KLF12: variants seen among roughly 807,000 people sequenced by gnomAD.
KLF12 encodes the protein Krueppel-like factor 12.
KLF12 carries 9 observed loss-of-function variants against 37.8 expected under a neutral mutation model. The ratio of observed to expected loss-of-function variants is 0.24; its 90% CI spans 0.14 to 0.42. KLF12 has a LOEUF of 0.42. Among genes scored for constraint, KLF12 ranks in the 10% least tolerant of loss-of-function variants. The pLI is 1.00. For synonymous variants in KLF12, 208 were observed against 202.1 expected (o/e 1.03, Z -0.25); for missense variants, 411 against 516.0 (o/e 0.80, Z 1.97).
chr13:74,015,600 T>C (rs1892668564), intron 1 of KLF12, among the ~76,000 whole-genome samples: 2 of 152,160 alleles, frequency 1.3e-5, no homozygotes, highest in Non-Finnish European at 2.9e-5. Context: ...CAACACCCCC[T>C]AGATATACTT....
chr13:73,845,939 G>T lies in KLF12; in HGVS notation c.558C>A (p.Ile186=), dbSNP rs138442924. The T allele has an allele frequency of 6.2e-7, 1 of 1,614,072 alleles. No homozygotes were observed. The highest frequency in any genetic ancestry group is 8.5e-7 in the Non-Finnish European group (1 of 1,179,916). ...CAGGCACCGACTGTACCACCACGGG[G>T]ATGCGGTGAACATGACTCAGTTTGT... The change falls in exon 4 of 8, where the codon ATC becomes ATA. Residue 186 remains isoleucine (I), a synonymous_variant. Coordinates refer to ENST00000377669, the MANE Select transcript of KLF12 (RefSeq NM_007249.5).
At chr13:74,293,933 A>G in the KLF12 span, among the ~76,000 whole-genome samples, 2 of 152,344 alleles carry the variant, frequency 1.3e-5, no homozygotes, top group Non-Finnish European at 2.9e-5. Flanking sequence ...GCCCATTTTT[A>G]AAGAAAATTG....
At chr13:74,072,393 AT>A (rs1874315232) in intron 1 of KLF12, among the ~76,000 whole-genome samples, 1 of 131,044 alleles carries the variant, frequency 7.6e-6, no homozygotes, top group Non-Finnish European at 1.6e-5. Flanking sequence ...ATATATATAT[AT>A]ATATATATAT....
intron 5 of KLF12, among the ~76,000 whole-genome samples, chr13:73,812,703 G>A (rs1034363761): frequency 6.6e-6 from 1 of 151,956 alleles, no homozygotes; most frequent in African/African-American, 2.4e-5. Flanking sequence ...AATAACATAT[G>A]AGTACTACTT....
Position 73,722,828 on chromosome 13 carries a change from G to A in KLF12, c.870-7303C>T, listed in dbSNP as rs1876369266. ...CGTCTAAAATGCATATTTAATTATT[G>A]TTTTACTTTAATAAACAAAGTTTCC... is the stretch of plus-strand genomic sequence containing the variant. On this transcript the variant is annotated intron_variant, in intron 6 of 7. Coordinates refer to ENST00000377669, the MANE Select transcript of KLF12 (RefSeq NM_007249.5). 2.0e-5 allele frequency among the ~76,000 whole-genome samples: 3 copies of A among 152,094 alleles called. No individual in the cohort carries two copies. In the South Asian group the frequency reaches 6.2e-4, roughly 32 times the overall value.
the KLF12 span, among the ~76,000 whole-genome samples, chr13:74,286,590 T>C: frequency 6.6e-6 from 1 of 152,184 alleles, no homozygotes; most frequent in Non-Finnish European, 1.5e-5. Context: ...AGCCTTCATA[T>C]GGGTTTGTTA....
At chr13:73,884,000 T>C (rs1887101802) in intron 3 of KLF12, among the ~76,000 whole-genome samples, 1 of 152,186 alleles carries the variant, frequency 6.6e-6, no homozygotes, top group Non-Finnish European at 1.5e-5. Context: ...CTTCTCCGAA[T>C]TTAACGCAGT....
chr13:74,117,098 T>C (rs1043922073), intron 1 of KLF12, among the ~76,000 whole-genome samples: 4 of 152,124 alleles, frequency 2.6e-5, no homozygotes, highest in Non-Finnish European at 4.4e-5. Context: ...AAAATAAGGT[T>C]TAAAGAAAGA....
At chr13:73,837,775 C>T (rs951641215) in intron 4 of KLF12, among the ~76,000 whole-genome samples, 4 of 152,144 alleles carry the variant, frequency 2.6e-5, no homozygotes, top group Non-Finnish European at 4.4e-5. Flanking sequence ...AAATCAAATT[C>T]TAAATTGAAG....
intron 7 of KLF12, 56 bp from the exon 8 acceptor site, chr13:73,695,727 C>T: frequency 6.6e-7 from 1 of 1,523,092 alleles, no homozygotes; most frequent in Non-Finnish European, 9.1e-7. Flanking sequence ...TTTGCCATAA[C>T]CAGGCCAGTA....
intron 1 of KLF12, among the ~76,000 whole-genome samples, chr13:74,062,359 G>A (rs183091170): frequency 6.6e-6 from 1 of 152,164 alleles, no homozygotes; most frequent in Non-Finnish European, 1.5e-5. Flanking sequence ...GTCTCTAAAG[G>A]GATGAAGCTG....
intron 5 of KLF12, among the ~76,000 whole-genome samples, chr13:73,765,398 G>A (rs1413854686): frequency 2.0e-5 from 3 of 152,142 alleles, no homozygotes; most frequent in African/African-American, 7.2e-5. Context: ...GCACAAAGAG[G>A]TGTCTAAGTG....
chr13:73,979,679 A>C (rs1012988506), intron 2 of KLF12, among the ~76,000 whole-genome samples: 1 of 152,188 alleles, frequency 6.6e-6, no homozygotes, highest in Non-Finnish European at 1.5e-5. Flanking sequence ...ATAAAGCACA[A>C]GGGGAGACAT....
chr13:73,991,107 C>T (rs930594985), intron 2 of KLF12, among the ~76,000 whole-genome samples: 4 of 152,090 alleles, frequency 2.6e-5, no homozygotes, highest in African/African-American at 9.7e-5. Flanking sequence ...AAATAAGATA[C>T]CCAACACTGA....
chr13:74,107,742 G>A (rs751264113), intron 1 of KLF12, among the ~76,000 whole-genome samples: 4 of 152,192 alleles, frequency 2.6e-5, no homozygotes, highest in African/African-American at 7.2e-5. Context: ...ATCATTAAGG[G>A]TTGCCCTATC....
At chr13:73,709,133 C>T (rs1469689776) in intron 7 of KLF12, among the ~76,000 whole-genome samples, 1 of 152,176 alleles carries the variant, frequency 6.6e-6, no homozygotes, top group Admixed American at 6.5e-5. Flanking sequence ...TAGAAAGGCA[C>T]TCCTCAGCAT....
chr13:73,701,201 C>G (rs1399874203), intron 7 of KLF12, among the ~76,000 whole-genome samples: 1 of 152,172 alleles, frequency 6.6e-6, no homozygotes, highest in Non-Finnish European at 1.5e-5. Flanking sequence ...AGGGCCTGGG[C>G]TGCTGCTGCA....
At chr13:73,713,472 A>G (rs76495979) in intron 7 of KLF12, among the ~76,000 whole-genome samples, 22,757 of 152,274 alleles carry the variant, frequency 0.15, 2,548 homozygotes, top group African/African-American at 0.31. Context: ...ATAAGTATGC[A>G]GAAAACTGCA....
the KLF12 span, among the ~76,000 whole-genome samples, chr13:74,178,862 A>T: frequency 6.6e-6 from 1 of 152,124 alleles, no homozygotes; most frequent in Admixed American, 6.5e-5. Flanking sequence ...CTCTGGAAAT[A>T]CTGGAATTCC....
Sources: allele counts gnomAD v4.1 joint callset (sites outside exome capture counted in the v4.1 genomes callset), GRCh38; gene constraint gnomAD v4.1.1; transcripts MANE v1.5; gene names NCBI Gene and HGNC (gene_info 2026-07-23, HGNC 2026-07-21).